RASGRF1: variants seen among roughly 807,000 people sequenced by gnomAD.
RASGRF1 encodes the protein ras-specific guanine nucleotide-releasing factor 1.
In RASGRF1, 40 loss-of-function variants were observed where a neutral mutation model predicts 138.7. The ratio of observed to expected loss-of-function variants is 0.29; its 90% CI spans 0.22 to 0.38. The LOEUF (loss-of-function observed/expected upper bound fraction) is 0.38, where lower values mean the gene tolerates loss of function less well. Among genes scored for constraint, RASGRF1 ranks in the 10% least tolerant of loss-of-function variants. RASGRF1 has a pLI of 1.00. For missense variants in RASGRF1, 1,108 were observed against 1,650.4 expected (o/e 0.67, Z 5.69); for synonymous variants, 614 against 663.2 (o/e 0.93, Z 1.14).
In RASGRF1 at chr15:79,040,031, G is replaced by A. The variant is rs547375432; in HGVS notation, c.879-4821C>T. Among the ~76,000 whole-genome samples the A allele has an allele frequency of 2.0e-5, 3 of 152,252 alleles. No individual in the cohort carries two copies. The South Asian group carries it at 6.2e-4, about 32-fold the overall frequency. On this transcript the variant is annotated intron_variant, in intron 5 of 26. Coordinates refer to ENST00000558480, the MANE Select transcript of RASGRF1 (RefSeq NM_001145648.3). ...AATCCTTCTGCCTCGAAAGTGCAGG[G>A]ATTAGAGGCATGAGTCACTGTGCCC...
At chr15:78,962,914 A>G in intron 26 of RASGRF1, among the ~76,000 whole-genome samples, 1 of 152,200 alleles carries the variant, frequency 6.6e-6, no homozygotes, top group East Asian at 1.9e-4. Flanking sequence ...TTATAATAAA[A>G]TGTTGGGACA....
At chr15:78,964,108 A>G (rs1018986479) in intron 26 of RASGRF1, among the ~76,000 whole-genome samples, 4 of 152,098 alleles carry the variant, frequency 2.6e-5, no homozygotes, top group African/African-American at 9.7e-5. Flanking sequence ...TTCGAGGAAG[A>G]CTGGCAGCAT....
At chr15:79,004,529 C>A (rs2056629091) in intron 14 of RASGRF1, among the ~76,000 whole-genome samples, 1 of 152,186 alleles carries the variant, frequency 6.6e-6, no homozygotes, top group Non-Finnish European at 1.5e-5. Flanking sequence ...CCCGCCTACA[C>A]TCTCTGGCCT....
intron 15 of RASGRF1, 101 bp downstream of exon 15, chr15:79,003,701 C>T (rs1469218175): frequency 2.7e-6 from 4 of 1,486,008 alleles, no homozygotes; most frequent in Non-Finnish European, 3.6e-6. Flanking sequence ...CCTTCCTTCC[C>T]CATGGGAGCA....
chr15:78,998,751 C>T lies in RASGRF1; in HGVS notation c.2821G>A (p.Val941Met), dbSNP rs781552482. 2.5e-6 allele frequency: 4 copies of T among 1,614,130 alleles called. No individual in the cohort carries two copies. The highest frequency in any genetic ancestry group is 1.1e-5 in the South Asian group (1 of 91,084). The change falls in exon 18 of 27, where the codon GTG becomes ATG. Residue 941 changes from valine to methionine, a missense_variant. By Grantham distance (21) the Val-to-Met change is conservative. Transcript: ENST00000558480. Reference sequence around the variant, plus strand: ...TGCTTGGACACCCAGTGGCGGAGCACGTTCAAGACACGATTGGTGGCTGCT... The same window carrying T: ...TGCTTGGACACCCAGTGGCGGAGCATGTTCAAGACACGATTGGTGGCTGCT... The part of the protein sequence containing the change: ...RRAATNRVLN[V>M]LRHWVSKHSQ...
At position 78,993,014 on chromosome 15, in the gene RASGRF1, ATGTGGGTGGTG is replaced by A. The variant is rs532039871; in HGVS notation, c.3028-1231_3028-1221del. On this transcript the variant is annotated intron_variant, in intron 20 of 26. Coordinates refer to ENST00000558480, the MANE Select transcript of RASGRF1 (RefSeq NM_001145648.3). ...GAAAAACAGCCTCTGTGTGTGTGCC[ATGTGGGTGGTG>A]TGTGGGTGGTGTGTGTGTGCCATGT... Among the ~76,000 whole-genome samples, 324 of 151,256 alleles carry A rather than the reference ATGTGGGTGGTG, an allele frequency of 2.1e-3. 2 individuals carry two copies. The highest frequency in any genetic ancestry group is 6.0e-3 in the Admixed American group (91 of 15,200).
At position 79,031,513 on chromosome 15, in the gene RASGRF1, C is replaced by A; in HGVS notation, c.1153-4G>T. The A allele has an allele frequency of 1.2e-6, 2 of 1,601,966 alleles. No homozygotes were observed. Among genetic ancestry groups the A allele is most frequent in the Non-Finnish European group, 1.7e-6 (2 of 1,171,716 alleles). On this transcript the variant is annotated splice_region_variant and splice_polypyrimidine_tract_variant and intron_variant, in intron 7 of 26. Transcript: ENST00000558480. Reference sequence around the variant, plus strand: ...GGGTCAGGATGTACCTGGGGATCTGCGGGCAGGTGGGAGAGGTGAGGGTGG... The same window carrying A: ...GGGTCAGGATGTACCTGGGGATCTGAGGGCAGGTGGGAGAGGTGAGGGTGG...
At chr15:79,019,864 C>T (rs1595908987) in intron 11 of RASGRF1, among the ~76,000 whole-genome samples, 177 bp downstream of exon 11, 1 of 152,186 alleles carries the variant, frequency 6.6e-6, no homozygotes, top group African/African-American at 2.4e-5. Context: ...GGAGCAAAGC[C>T]CAGCTGTAGC....
intron 3 of RASGRF1, among the ~76,000 whole-genome samples, chr15:79,054,163 C>T (rs546833365): frequency 2.0e-4 from 31 of 152,240 alleles, no homozygotes; most frequent in African/African-American, 6.5e-4. Context: ...CAGGCTCTGG[C>T]ACATCACTGG....
intron 22 of RASGRF1, among the ~76,000 whole-genome samples, chr15:78,989,498 T>C (rs2056226608): frequency 6.6e-6 from 1 of 151,324 alleles, no homozygotes; most frequent in Non-Finnish European, 1.5e-5. Context: ...CACTGTGGCC[T>C]TCTAACATTA....
intron 24 of RASGRF1, among the ~76,000 whole-genome samples, chr15:78,978,214 TCTTTTG>T (rs1400132230): frequency 3.6e-5 from 3 of 83,624 alleles, no homozygotes; most frequent in Non-Finnish European, 2.4e-5. Flanking sequence ...CTTTTTCTTT[TCTTTTG>T]TTTTTTTTTT....
intron 5 of RASGRF1, among the ~76,000 whole-genome samples, chr15:79,040,567 G>C (rs2057284150): frequency 6.6e-6 from 1 of 151,930 alleles, no homozygotes; most frequent in South Asian, 2.1e-4. Context: ...TCTGCCTTAG[G>C]GCCTTTGCAC....
intron 11 of RASGRF1, among the ~76,000 whole-genome samples, chr15:79,018,725 C>G (rs146000378): frequency 2.4e-4 from 37 of 152,312 alleles, no homozygotes; most frequent in African/African-American, 8.9e-4. Context: ...TTGCTGGGCA[C>G]GAGGGAGCCC....
In RASGRF1 at chr15:78,987,049, T is replaced by G. The variant is rs561592708; in HGVS notation, c.3217-1845A>C. ...ATAAAAGGAATATCTTCCAGTTTAT[T>G]CTATGAAGCCAGTATTACCTTGATA... On this transcript the variant is annotated intron_variant, in intron 22 of 26. Transcript: ENST00000558480. Among the ~76,000 whole-genome samples, 3 of 152,326 alleles carry G rather than the reference T, an allele frequency of 2.0e-5. No individual in the cohort carries two copies. In the South Asian group the frequency reaches 6.2e-4, roughly 32 times the overall value.
At chr15:79,078,864 C>T (rs2057875653) in intron 1 of RASGRF1, among the ~76,000 whole-genome samples, 1 of 152,274 alleles carries the variant, frequency 6.6e-6, no homozygotes, top group African/African-American at 2.4e-5. Context: ...GGCCCCAAAC[C>T]AGCCCAGGAA....
intron 20 of RASGRF1, among the ~76,000 whole-genome samples, 160 bp downstream of exon 20, chr15:78,995,580 C>A (rs113840101): frequency 6.6e-6 from 1 of 152,200 alleles, no homozygotes; most frequent in African/African-American, 2.4e-5. Context: ...TGAGCCACTG[C>A]GCTCAGCCCA....
At position 78,993,316 on chromosome 15, in the gene RASGRF1, G is replaced by A. The variant is rs1476563717; in HGVS notation, c.3028-1522C>T. Reference sequence around the variant, plus strand: ...GTGTGTGTGGTCTGGTGTGTGTGTGGTATGTTTGCTGGGTGTGTGTAGTGT... The same window carrying A: ...GTGTGTGTGGTCTGGTGTGTGTGTGATATGTTTGCTGGGTGTGTGTAGTGT... On this transcript the variant is annotated intron_variant, in intron 20 of 26. Transcript: ENST00000558480. Among the ~76,000 whole-genome samples, 2 of 87,544 alleles carry A rather than the reference G, an allele frequency of 2.3e-5. 1 individual carries two copies. The highest frequency in any genetic ancestry group is 5.3e-5 in the Non-Finnish European group (2 of 37,942). 57.4% of individuals were successfully genotyped at this position (87,544 alleles called of 152,430 possible). A position where few individuals can be genotyped will look rare whatever the true frequency, so the allele number is the denominator to read the frequency against.
intron 20 of RASGRF1, among the ~76,000 whole-genome samples, chr15:78,993,800 G>A (rs2056331348): frequency 6.6e-6 from 1 of 152,128 alleles, no homozygotes; most frequent in African/African-American, 2.4e-5. Flanking sequence ...TGGTACCAGA[G>A]GCCAGAAGAG....
chr15:78,992,921 G>A (rs916655548), intron 20 of RASGRF1, among the ~76,000 whole-genome samples: 2 of 152,298 alleles, frequency 1.3e-5, no homozygotes, highest in Non-Finnish European at 1.5e-5. Context: ...CAGGAAACAC[G>A]GTTCCTGACG....
Sources: gnomAD v4.1 joint callset for allele counts (sites outside exome capture counted in the v4.1 genomes callset) on GRCh38, gnomAD v4.1.1 for gene constraint, MANE v1.5 for transcripts, NCBI Gene and HGNC (gene_info 2026-07-23, HGNC 2026-07-21) for gene names.